TSPAN8: variants seen among roughly 807,000 people sequenced by gnomAD.
TSPAN8 encodes tetraspanin 8, also known as tetraspanin-8.
Under a neutral mutation model 32.8 loss-of-function variants are expected in TSPAN8, and 21 were observed. The ratio of observed to expected loss-of-function variants is 0.64; its 90% confidence interval spans 0.45 to 0.92. TSPAN8 has a LOEUF of 0.92. Ranked by LOEUF, TSPAN8 falls within the 40% of genes least tolerant of loss-of-function variation. The pLI, the probability that TSPAN8 is intolerant of heterozygous loss-of-function variation, is 0.00. For missense variants in TSPAN8, 269 were observed against 281.9 expected, an observed-to-expected ratio of 0.95 and a Z score of 0.33; for synonymous variants, 95 against 94.6, an observed-to-expected ratio of 1.00 and a Z score of -0.03.
intron 2 of TSPAN8, among the ~76,000 whole-genome samples, chr12:71,152,317 A>G (rs1452506424): frequency 6.6e-6 from 1 of 152,204 alleles, no homozygotes; most frequent in East Asian, 1.9e-4. Flanking sequence ...CTGCCTTATC[A>G]TATTCTTGCT....
At chr12:71,142,457 G>T (rs1871931471) in intron 3 of TSPAN8, among the ~76,000 whole-genome samples, 1 of 152,046 alleles carries the variant, frequency 6.6e-6, no homozygotes, top group Admixed American at 6.6e-5. Context: ...TAAATTGCAG[G>T]CTACACACAC....
chr12:71,132,789 A>G lies in TSPAN8; in HGVS notation c.480T>C (p.Asp160=), dbSNP rs868757282. Residue 160 remains aspartate (D), a synonymous_variant, in exon 7 of 9, where the codon GAT becomes GAC. Coordinates refer to ENST00000247829, the MANE Select transcript of TSPAN8 (RefSeq NM_004616.3). Reference sequence around the variant, plus strand: ...GATAGTGTTGAAAATTATTTCCCCAATCAGCAGCTCCATTGACCAAACCGC... The same window carrying G: ...GATAGTGTTGAAAATTATTTCCCCAGTCAGCAGCTCCATTGACCAAACCGC... ...KCCGLVNGAA[D]WGNNFQHYPE... is the part of the protein sequence containing the mutation. The G allele has an allele frequency of 5.0e-6, 8 of 1,613,982 alleles. No homozygotes were observed. The highest frequency in any genetic ancestry group is 4.5e-5 in the East Asian group (2 of 44,822).
intron 2 of TSPAN8, among the ~76,000 whole-genome samples, chr12:71,151,954 A>G (rs1872269525): frequency 6.6e-6 from 1 of 152,222 alleles, no homozygotes; most frequent in Non-Finnish European, 1.5e-5. Context: ...GGCTAAAATT[A>G]TATTTACCAT....
chr12:71,136,186 C>T (rs976224622), intron 6 of TSPAN8, among the ~76,000 whole-genome samples: 2 of 151,964 alleles, frequency 1.3e-5, no homozygotes, highest in Non-Finnish European at 2.9e-5. Flanking sequence ...TAGCCATTCT[C>T]AAAGAAAAAT....
chr12:71,146,422 A>G (rs1872081730), intron 2 of TSPAN8, among the ~76,000 whole-genome samples: 1 of 152,210 alleles, frequency 6.6e-6, no homozygotes, highest in Non-Finnish European at 1.5e-5. Flanking sequence ...TCCTAGAGTC[A>G]TGAATAATAC....
At chr12:71,128,655 T>TTAA (rs398020074) in intron 8 of TSPAN8, among the ~76,000 whole-genome samples, 1 of 139,402 alleles carries the variant, frequency 7.2e-6, no homozygotes, top group Non-Finnish European at 1.6e-5. Flanking sequence ...TTTTTTTTTT[T>TTAA]AAAAAAAAAA....
At chr12:71,137,915 T>C in intron 6 of TSPAN8, 38 bp downstream of exon 6, 4 of 1,559,896 alleles carry the variant, frequency 2.6e-6, no homozygotes, top group Non-Finnish European at 3.5e-6. Flanking sequence ...AGAAGAACTA[T>C]GTCCAACTCT....
intron 6 of TSPAN8, 133 bp downstream of exon 6, chr12:71,137,820 C>T: frequency 1.4e-6 from 1 of 727,678 alleles, no homozygotes; most frequent in Non-Finnish European, 2.2e-6. Context: ...TTTCTTATTG[C>T]ATGGTGACAG....
intron 7 of TSPAN8, among the ~76,000 whole-genome samples, chr12:71,132,062 G>A (rs1273962070): frequency 6.6e-6 from 1 of 152,152 alleles, no homozygotes; most frequent in African/African-American, 2.4e-5. Context: ...GGACATCCAT[G>A]TATTGACATT....
chr12:71,137,142 T>A (rs752330975), intron 6 of TSPAN8, among the ~76,000 whole-genome samples: 9 of 152,060 alleles, frequency 5.9e-5, no homozygotes, highest in Non-Finnish European at 1.0e-4. Context: ...TAGCCAGGCA[T>A]GGTGGTGTGT....
chr12:71,135,220 AGG>A lies in TSPAN8; in HGVS notation c.445-2398_445-2397del, dbSNP rs1284140196. Among the ~76,000 whole-genome samples the A allele has an allele frequency of 2.9e-4, 16 of 54,664 alleles. No homozygotes were observed. The East Asian group carries it at 0.011, about 38-fold the overall frequency. 35.9% of individuals were successfully genotyped at this position (54,664 alleles called of 152,430 possible). The stretch of plus-strand genomic sequence containing the variant: ...GAGGATAAGGATGAGGAGGAGGAGG[AGG>A]AAGAAGAAGGAGGAGGAGGAGGAGG... On this transcript the variant is annotated intron_variant, in intron 6 of 8. Transcript: ENST00000247829.
chr12:71,127,923 C>T (rs753243291), intron 8 of TSPAN8, among the ~76,000 whole-genome samples: 2 of 152,210 alleles, frequency 1.3e-5, no homozygotes, highest in African/African-American at 2.4e-5. Context: ...AGCATGCTCT[C>T]TCATTCACTT....
intron 2 of TSPAN8, among the ~76,000 whole-genome samples, chr12:71,153,177 A>G (rs983430854): frequency 2.6e-5 from 4 of 152,174 alleles, no homozygotes; most frequent in Admixed American, 1.3e-4. Context: ...CTAAAGCACC[A>G]TAAGCATCTA....
chr12:71,145,331 G>A (rs1207457711), intron 2 of TSPAN8, among the ~76,000 whole-genome samples: 2 of 152,060 alleles, frequency 1.3e-5, no homozygotes, highest in African/African-American at 4.8e-5. Context: ...ATTTTGAATG[G>A]AGAAATTGGA....
chr12:71,145,031 C>CT (rs943023280), intron 2 of TSPAN8, among the ~76,000 whole-genome samples: 1 of 152,010 alleles, frequency 6.6e-6, no homozygotes, highest in African/African-American at 2.4e-5. Flanking sequence ...ATGTTAAGAG[C>CT]TGTGTCTGGT....
chr12:71,137,861 CA>C (rs1871753741), intron 6 of TSPAN8, 91 bp downstream of exon 6: 1 of 1,191,614 alleles, frequency 8.4e-7, no homozygotes, highest in African/African-American at 1.5e-5. Context: ...AAAATGGAGA[CA>C]TTTTTCAATC....
At chr12:71,152,807 C>A (rs957255535) in intron 2 of TSPAN8, among the ~76,000 whole-genome samples, 2 of 152,144 alleles carry the variant, frequency 1.3e-5, no homozygotes, top group Admixed American at 1.3e-4. Context: ...TGTCCTATTC[C>A]TTTTAGTGTA....
intron 8 of TSPAN8, among the ~76,000 whole-genome samples, chr12:71,127,511 G>A (rs900685843): frequency 2.9e-4 from 44 of 151,952 alleles, no homozygotes; most frequent in African/African-American, 7.7e-4. Flanking sequence ...TTGACTTCTC[G>A]AATTCAAAAA....
intron 2 of TSPAN8, among the ~76,000 whole-genome samples, chr12:71,154,225 G>A (rs759915103): frequency 5.9e-5 from 9 of 151,776 alleles, no homozygotes; most frequent in Admixed American, 2.0e-4. Context: ...CAGGAGAATC[G>A]CTAGAACCTG....
Sources: allele counts gnomAD v4.1 joint callset (sites outside exome capture counted in the v4.1 genomes callset), GRCh38; gene constraint gnomAD v4.1.1; transcripts MANE v1.5; gene names NCBI Gene and HGNC (gene_info 2026-07-23, HGNC 2026-07-21).